The following DPYD variants were observed in gnomAD, a reference collection of about 807,000 sequenced individuals.
DPYD encodes the protein dihydropyrimidine dehydrogenase [NADP(+)].
In DPYD, 109 loss-of-function variants were observed where a neutral mutation model predicts 116.2. The ratio of observed to expected loss-of-function variants is 0.94; its 90% CI spans 0.80 to 1.10. The LOEUF (loss-of-function observed/expected upper bound fraction) is 1.10, where lower values mean the gene tolerates loss of function less well. Among genes scored for constraint, DPYD ranks in the 50% least tolerant of loss-of-function variants. DPYD has a pLI of 0.00. For synonymous variants in DPYD, 440 were observed against 432.0 expected (o/e 1.02, Z -0.23); for missense variants, 1,302 against 1,254.5 (o/e 1.04, Z -0.57).
chr1:97,163,654 C>T lies in DPYD; in HGVS notation c.2622+29415G>A, dbSNP rs1183132544. Reference sequence around the variant, plus strand: ...TGCATCCTCCAGAGAAATGAATGCTCTGTCCTCACTTTGTGGAAGGGTCAG... The same window carrying T: ...TGCATCCTCCAGAGAAATGAATGCTTTGTCCTCACTTTGTGGAAGGGTCAG... On this transcript the variant is annotated intron_variant, in intron 20 of 22. Transcript: ENST00000370192. 2.0e-5 allele frequency among the ~76,000 whole-genome samples: 3 copies of T among 152,150 alleles called. No individual in the cohort carries two copies. The East Asian group carries it at 5.8e-4, about 29-fold the overall frequency.
intron 19 of DPYD, among the ~76,000 whole-genome samples, chr1:97,211,965 T>C (rs1019337865): frequency 1.3e-5 from 2 of 152,168 alleles, no homozygotes; most frequent in Non-Finnish European, 2.9e-5. Flanking sequence ...TTCTCCACTA[T>C]GAATCGCTCC....
At chr1:97,751,013 T>C (rs1378849461) in intron 3 of DPYD, among the ~76,000 whole-genome samples, 1 of 152,106 alleles carries the variant, frequency 6.6e-6, no homozygotes, top group Non-Finnish European at 1.5e-5. Flanking sequence ...GAGGCACTCA[T>C]TCATTAAGCT....
intron 3 of DPYD, among the ~76,000 whole-genome samples, chr1:97,751,460 GTATA>G (rs1553233231): frequency 1.6e-3 from 34 of 21,284 alleles, no homozygotes; most frequent in Admixed American, 7.4e-3. Flanking sequence ...GTGTGTGTGT[GTATA>G]TATATATATA....
chr1:97,357,376 T>C (rs192509029), intron 16 of DPYD, among the ~76,000 whole-genome samples: 268 of 152,236 alleles, frequency 1.8e-3, no homozygotes, highest in African/African-American at 6.2e-3. Flanking sequence ...GTGTTTTTTT[T>C]TTTTGGTGGA....
chr1:97,762,882 C>T (rs1461089645), intron 3 of DPYD, among the ~76,000 whole-genome samples: 2 of 152,078 alleles, frequency 1.3e-5, no homozygotes, highest in African/African-American at 4.8e-5. Flanking sequence ...GATTATTCTA[C>T]ATATTAAATA....
intron 13 of DPYD, among the ~76,000 whole-genome samples, chr1:97,513,196 A>G (rs941647096): frequency 6.6e-6 from 1 of 151,716 alleles, no homozygotes. Context: ...ATATATATAC[A>G]GGATGAAAAT....
chr1:97,850,198 A>AT, intron 2 of DPYD, among the ~76,000 whole-genome samples: 1 of 152,342 alleles, frequency 6.6e-6, no homozygotes, highest in Admixed American at 6.5e-5. Flanking sequence ...CTTACAGAAT[A>AT]TTTTGAGTTT....
chr1:97,091,901 A>G (rs766940182), intron 21 of DPYD, among the ~76,000 whole-genome samples: 11 of 152,174 alleles, frequency 7.2e-5, no homozygotes, highest in Non-Finnish European at 1.6e-4. Context: ...AAGCCAGATC[A>G]TATCAGTCTT....
chr1:97,707,864 T>C (rs576623334), intron 5 of DPYD, among the ~76,000 whole-genome samples: 1 of 152,222 alleles, frequency 6.6e-6, no homozygotes, highest in South Asian at 2.1e-4. Flanking sequence ...TTTCATATTG[T>C]TGGGTTGTAA....
At chr1:97,387,024 A>G (rs1570643703) in intron 14 of DPYD, among the ~76,000 whole-genome samples, 1 of 152,288 alleles carries the variant, frequency 6.6e-6, no homozygotes, top group East Asian at 1.9e-4. Flanking sequence ...ATGCAATGTT[A>G]TTAGAAATAA....
At chr1:97,506,964 T>C (rs1471239587) in intron 13 of DPYD, among the ~76,000 whole-genome samples, 1 of 152,044 alleles carries the variant, frequency 6.6e-6, no homozygotes, top group African/African-American at 2.4e-5. Context: ...CATTAGATTC[T>C]AACTTGCAAG....
At chr1:97,910,230 AC>A (rs767931928) in intron 1 of DPYD, among the ~76,000 whole-genome samples, 2 of 152,092 alleles carry the variant, frequency 1.3e-5, no homozygotes, top group Non-Finnish European at 2.9e-5. Flanking sequence ...AATTTTATTG[AC>A]TGCAGAATTC....
chr1:97,101,888 G>C (rs1340730991), intron 20 of DPYD, among the ~76,000 whole-genome samples: 2 of 151,784 alleles, frequency 1.3e-5, no homozygotes, highest in Non-Finnish European at 2.9e-5. Flanking sequence ...GTTTCTCCAG[G>C]GATTCATCAT....
chr1:97,401,778 A>T (rs1429581542), intron 14 of DPYD, among the ~76,000 whole-genome samples: 1 of 152,108 alleles, frequency 6.6e-6, no homozygotes, highest in Non-Finnish European at 1.5e-5. Context: ...CTTTACATTT[A>T]GATGTATGAT....
intron 18 of DPYD, among the ~76,000 whole-genome samples, chr1:97,266,174 G>C (rs1355196073): frequency 6.6e-6 from 1 of 152,154 alleles, no homozygotes; most frequent in Non-Finnish European, 1.5e-5. Flanking sequence ...GGGATATCCT[G>C]TGTTATAAAA....
chr1:97,605,860 C>G (rs1013577064), intron 8 of DPYD, among the ~76,000 whole-genome samples: 1 of 151,878 alleles, frequency 6.6e-6, no homozygotes, highest in African/African-American at 2.4e-5. Flanking sequence ...CATATGCATA[C>G]CTTTCTTGAT....
At chr1:97,636,646 A>G (rs1019654022) in intron 8 of DPYD, among the ~76,000 whole-genome samples, 2 of 152,192 alleles carry the variant, frequency 1.3e-5, no homozygotes, top group Non-Finnish European at 2.9e-5. Flanking sequence ...ATTATTTAAA[A>G]TCATCATTAA....
intron 13 of DPYD, among the ~76,000 whole-genome samples, chr1:97,492,486 C>T (rs1219545126): frequency 6.6e-6 from 1 of 152,120 alleles, no homozygotes; most frequent in South Asian, 2.1e-4. Flanking sequence ...TCTTATAGAA[C>T]CACCCTTGCA....
chr1:97,532,770 A>G (rs1649723347), intron 12 of DPYD, among the ~76,000 whole-genome samples: 1 of 151,738 alleles, frequency 6.6e-6, no homozygotes, highest in African/African-American at 2.4e-5. Context: ...CTTGGTTCAG[A>G]TAACAAATTG....
Sources: allele counts gnomAD v4.1 joint callset (sites outside exome capture counted in the v4.1 genomes callset), GRCh38; gene constraint gnomAD v4.1.1; transcripts MANE v1.5; gene names NCBI Gene and HGNC (gene_info 2026-07-23, HGNC 2026-07-21).